Variants in MST1R observed in about 807,000 individuals in gnomAD.
MST1R encodes the protein macrophage stimulating 1 receptor.
MST1R carries 99 observed loss-of-function variants against 117.8 expected under a neutral mutation model. The observed-to-expected ratio is 0.84, with a 90% CI of 0.71 to 0.99. MST1R has a LOEUF of 0.99. Ranked by LOEUF, MST1R falls within the 50% of genes least tolerant of loss-of-function variation. The pLI, the probability that MST1R is intolerant of heterozygous loss-of-function variation, is 0.00. For synonymous variants in MST1R, 734 were observed against 765.3 expected (o/e 0.96, Z 0.68); for missense variants, 1,683 against 1,840.2 (o/e 0.91, Z 1.56).
At chr3:49,896,500 C>T (rs376751199) in intron 9 of MST1R, 40 bp downstream of exon 9, 2 of 1,611,580 alleles carry the variant, frequency 1.2e-6, no homozygotes, top group Non-Finnish European at 1.7e-6. Context: ...GCTCAGGGAA[C>T]TCATCCAGCC....
intron 1 of MST1R, chr3:49,899,599 G>C (rs1269733762): frequency 4.1e-6 from 1 of 245,898 alleles, no homozygotes; most frequent in Non-Finnish European, 7.3e-6. Context: ...TTTTTGAGAC[G>C]GAGTCTCACA....
intron 3 of MST1R, 36 bp from the exon 4 acceptor site, chr3:49,898,724 G>A: frequency 6.2e-7 from 1 of 1,612,064 alleles, no homozygotes; most frequent in East Asian, 2.2e-5. Flanking sequence ...GGGGTGCCTG[G>A]AGGGAGAGAT....
chr3:49,895,978 C>T lies in MST1R; in HGVS notation c.2779G>A (p.Asp927Asn), dbSNP rs777650286. The T allele has an allele frequency of 3.2e-6, 5 of 1,577,578 alleles. No individual in the cohort carries two copies. In the Admixed American group the frequency reaches 8.7e-5, roughly 28 times the overall value. ...PLPPSLQLGQDGAPLQVCVDG... is the reference protein window; with the variant it reads ...PLPPSLQLGQNGAPLQVCVDG... ...CTGCCTACCTGCAATGGGGCACCATCCTGGCCAAGCTGCAGGGATGGGGGC... is the reference window on the plus strand; with the variant it reads ...CTGCCTACCTGCAATGGGGCACCATTCTGGCCAAGCTGCAGGGATGGGGGC... The change falls in exon 11 of 20, where the codon GAT (aspartate) becomes AAT (asparagine). Residue 927 changes from aspartate to asparagine, a missense_variant. Coordinates refer to ENST00000296474, the MANE Select transcript of MST1R (RefSeq NM_002447.4).
Position 49,889,961 on chromosome 3 carries a change from G to C in MST1R, c.3910C>G (p.Arg1304Gly), listed in dbSNP as rs528985327. ...CAATACTCAGGCTGGGGCAGGCGCC[G>C]ACCCTGGGCCAGGAAGTGGGTAAGG... ...FDLTHFLAQGRRLPQPEYCPD... is the reference protein window; with the variant it reads ...FDLTHFLAQGGRLPQPEYCPD... Residue 1304 changes from arginine to glycine, a missense_variant, in exon 19 of 20, where the codon CGG becomes GGG. By Grantham distance (125) the Arg-to-Gly change is moderately radical. Coordinates refer to ENST00000296474, the MANE Select transcript of MST1R (RefSeq NM_002447.4). The C allele has an allele frequency of 6.2e-7, 1 of 1,614,126 alleles. No homozygotes were observed. Among genetic ancestry groups the C allele is most frequent in the East Asian group, 2.2e-5 (1 of 44,880 alleles).
intron 1 of MST1R, 60 bp downstream of exon 1, chr3:49,902,320 C>T: frequency 1.9e-6 from 3 of 1,555,236 alleles, no homozygotes; most frequent in South Asian, 2.4e-5. Context: ...GGAAGGGAAG[C>T]AGCCTGTGTT....
rs2108507449 is a variant in MST1R, at chr3:49,902,924, G to A, written c.686C>T (p.Ala229Val). 1.2e-6 allele frequency: 2 copies of A among 1,613,476 alleles called. No individual in the cohort carries two copies. The highest frequency in any genetic ancestry group is 4.5e-5 in the East Asian group (2 of 44,896). ...CACTGACAACGCCACAAAGCCCGGT[G>A]CGAATCCCGAGGCGTCAGCCTTGAG... ...RRLKADASGF[A>V]PGFVALSVLP... The change falls in exon 1 of 20, where the codon GCA (alanine) becomes GTA (valine). Residue 229 changes from alanine (A) to valine (V), a missense_variant. Transcript: ENST00000296474.
At chr3:49,900,178 AC>A (rs1185677103) in intron 1 of MST1R, among the ~76,000 whole-genome samples, 2 of 151,436 alleles carry the variant, frequency 1.3e-5, no homozygotes, top group East Asian at 1.9e-4. Flanking sequence ...TGCTTCCTAT[AC>A]CCCCCTTCAG....
chr3:49,891,401 G>C lies in MST1R; in HGVS notation c.3532C>G (p.Arg1178Gly). 1 of 1,613,922 alleles carries C rather than the reference G, an allele frequency of 6.2e-7. No individual in the cohort carries two copies. Among genetic ancestry groups the C allele is most frequent in the Non-Finnish European group, 8.5e-7 (1 of 1,179,980 alleles). The change falls in exon 16 of 20, where the codon CGG becomes GGG. Residue 1178 changes from arginine to glycine, a missense_variant and splice_region_variant. Coordinates refer to ENST00000296474, the MANE Select transcript of MST1R (RefSeq NM_002447.4). The stretch of plus-strand genomic sequence containing the variant: ...CCCAGAGCCAGATGAACACTGACCC[G>C]CTGAGGTGAGCGGATGAACTGGAGC... ...DLLQFIRSPQ[R>G]NPTVKDLISF...
chr3:49,891,601 G>C (rs201959202), intron 15 of MST1R, 21 bp from the exon 16 acceptor site: 1 of 1,613,196 alleles, frequency 6.2e-7, no homozygotes, highest in East Asian at 2.2e-5. Flanking sequence ...GCGCAAGTCA[G>C]GCACAGGGCA....
intron 18 of MST1R, 52 bp from the exon 19 acceptor site, chr3:49,890,112 G>C (rs562296473): frequency 6.5e-7 from 1 of 1,542,686 alleles, no homozygotes; most frequent in East Asian, 2.3e-5. Flanking sequence ...TTTGGGGGCA[G>C]GTGGGTCCCC....
Position 49,902,489 on chromosome 3 carries a change from A to T in MST1R, c.1121T>A (p.Leu374Gln). 2 of 1,614,212 alleles carry T rather than the reference A, an allele frequency of 1.2e-6. No individual in the cohort carries two copies. Among genetic ancestry groups the T allele is most frequent in the East Asian group, 2.2e-5 (1 of 44,886 alleles). ...CACACCCTCATCAATTAGTGTGTCC[A>T]GCAGGTCAATGGGGAAGGCACAGAC... ...SVVCAFPIDL[L>Q]DTLIDEGVER... The change falls in exon 1 of 20, where the codon CTG (leucine) becomes CAG (glutamine). Residue 374 changes from leucine (L) to glutamine (Q), a missense_variant. Physicochemically the swap from Leu to Gln is moderately radical, Grantham distance 113. Coordinates refer to ENST00000296474, the MANE Select transcript of MST1R (RefSeq NM_002447.4).
chr3:49,891,544 C>G lies in MST1R; in HGVS notation c.3389G>C (p.Arg1130Pro). ...TEMQQVEAFL[R>P]EGLLMRGLNH... ...CAGGCCACGCATGAGCAGCCCCTCT[C>G]GCAGGAAGGCCTCCACCTGCTGCAT... Residue 1130 changes from arginine to proline, a missense_variant, in exon 16 of 20, where the codon CGA becomes CCA. Arg to Pro is a moderately radical substitution (Grantham distance 103). Coordinates refer to ENST00000296474, the MANE Select transcript of MST1R (RefSeq NM_002447.4). 6.2e-7 allele frequency: 1 copy of G among 1,613,948 alleles called. No homozygotes were observed. Among genetic ancestry groups the G allele is most frequent in the Non-Finnish European group, 8.5e-7 (1 of 1,180,036 alleles).
At chr3:49,896,945 ACTT>A in intron 7 of MST1R, 55 bp from the exon 8 acceptor site, 1 of 1,443,818 alleles carries the variant, frequency 6.9e-7, no homozygotes, top group Non-Finnish European at 9.1e-7. Flanking sequence ...GGCCAGGCCC[ACTT>A]CTTCCAGGGG....
At chr3:49,901,595 C>T (rs1011745002) in intron 1 of MST1R, among the ~76,000 whole-genome samples, 3 of 152,130 alleles carry the variant, frequency 2.0e-5, no homozygotes, top group Non-Finnish European at 4.4e-5. Context: ...AGTGAGGCTC[C>T]CAGAACCTTC....
chr3:49,896,879 C>T lies in MST1R; in HGVS notation c.2195G>A (p.Gly732Glu). 6.6e-7 allele frequency: 1 copy of T among 1,516,378 alleles called. No individual in the cohort carries two copies. The highest frequency in any genetic ancestry group is 8.8e-7 in the Non-Finnish European group (1 of 1,130,088). The allele number at this position is 1,516,378 out of a possible 1,614,324, so 93.9% of individuals were successfully genotyped here. The change falls in exon 8 of 20, where the codon GGG (glycine) becomes GAG (glutamate). Residue 732 changes from glycine (G) to glutamate (E), a missense_variant. Gly to Glu is a moderately conservative substitution (Grantham distance 98). Transcript: ENST00000296474. ...AGGGGGTGTGGCACATAAAAGCTGC[C>T]CCTCACTGACCCTACAGGAACAAGA... ...TECLLARVSEGQLLCATPPGA... is the reference protein window; with the variant it reads ...TECLLARVSEEQLLCATPPGA...
Position 49,898,853 on chromosome 3 carries a change from C to A in MST1R, c.1548+14G>T. 2 of 1,613,942 alleles carry A rather than the reference C, an allele frequency of 1.2e-6. No individual in the cohort carries two copies. The highest frequency in any genetic ancestry group is 2.2e-5 in the South Asian group (2 of 91,054). ...CACAACCCTGGCCCCAGGCCCTGCCCCTGCCCACCTCACCTGGTCCCCAGA... is the reference window on the plus strand; with the variant it reads ...CACAACCCTGGCCCCAGGCCCTGCCACTGCCCACCTCACCTGGTCCCCAGA... On this transcript the variant is annotated intron_variant, in intron 3 of 19. Transcript: ENST00000296474.
chr3:49,895,917 C>A, intron 11 of MST1R, 37 bp from the exon 12 acceptor site: 1 of 1,574,498 alleles, frequency 6.4e-7, no homozygotes, highest in Non-Finnish European at 8.6e-7. Context: ...AGCCTGTAGG[C>A]CCTCTGCCCG....
At chr3:49,896,146 C>T in intron 10 of MST1R, 39 bp from the exon 11 acceptor site, 1 of 1,614,146 alleles carries the variant, frequency 6.2e-7, no homozygotes, top group Non-Finnish European at 8.5e-7. Context: ...GTAGGCTGGC[C>T]CCTACTTTCA....
rs1192239744 is a variant in MST1R at position 49,887,101 on chromosome 3, A to G, written c.*206T>C. 6.1e-6 allele frequency: 4 copies of G among 653,418 alleles called. No individual in the cohort carries two copies. Among genetic ancestry groups the G allele is most frequent in the Non-Finnish European group, 1.0e-5 (4 of 382,572 alleles). 40.5% of individuals were successfully genotyped at this position (653,418 alleles called of 1,614,324 possible). A position where few individuals can be genotyped will look rare whatever the true frequency, so the allele number is the denominator to read the frequency against. Reference sequence around the variant, plus strand: ...GTGCCCAGAAGACAGGGTCCACAGCAGGCACTCCATAAATACATGTTGCAG... The same window carrying G: ...GTGCCCAGAAGACAGGGTCCACAGCGGGCACTCCATAAATACATGTTGCAG... On this transcript the variant is annotated 3_prime_UTR_variant, in exon 20 of 20. Coordinates refer to ENST00000296474, the MANE Select transcript of MST1R (RefSeq NM_002447.4).
Sources: gnomAD v4.1 joint callset for allele counts (sites outside exome capture counted in the v4.1 genomes callset) on GRCh38, gnomAD v4.1.1 for gene constraint, MANE v1.5 for transcripts, NCBI Gene and HGNC (gene_info 2026-07-23, HGNC 2026-07-21) for gene names.